The following DAAM1 variants were observed in gnomAD, a reference collection of about 807,000 sequenced individuals.
DAAM1 encodes disheveled-associated activator of morphogenesis 1.
Under a neutral mutation model 130.0 loss-of-function variants are expected in DAAM1, and 52 were observed. The ratio of observed to expected loss-of-function variants is 0.40; its 90% CI spans 0.32 to 0.50. The LOEUF is 0.50. DAAM1 is among the 20% of genes least tolerant of loss of function. The pLI is 0.61. For missense variants in DAAM1, 1,134 were observed against 1,303.8 expected (o/e 0.87, Z 2.01); for synonymous variants, 452 against 444.5 (o/e 1.02, Z -0.21).
At chr14:59,260,336 AAG>A (rs796477205) in intron 1 of DAAM1, among the ~76,000 whole-genome samples, 18 of 152,366 alleles carry the variant, frequency 1.2e-4, no homozygotes, top group African/African-American at 4.3e-4. Flanking sequence ...GGAAGTGCAG[AAG>A]AGTCTTTTTG....
chr14:59,360,878 T>C lies in DAAM1; in HGVS notation c.2694+16T>C. The stretch of plus-strand genomic sequence containing the variant: ...AGTAGAGACAGTGAGTATTTTTTTG[T>C]TGTTGTTCTAATTCCTGGTCTCTTC... On this transcript the variant is annotated intron_variant, in intron 22 of 24. Coordinates refer to ENST00000360909, the MANE Select transcript of DAAM1 (RefSeq NM_001270520.2). 1 of 1,603,770 alleles carries C rather than the reference T, an allele frequency of 6.2e-7. No homozygotes were observed. Among genetic ancestry groups the C allele is most frequent in the African/African-American group, 1.5e-5 (1 of 66,446 alleles).
chr14:59,348,978 T>A (rs1271399293), intron 17 of DAAM1, among the ~76,000 whole-genome samples: 1 of 152,236 alleles, frequency 6.6e-6, no homozygotes, highest in African/African-American at 2.4e-5. Flanking sequence ...TGTTCTCAAG[T>A]CTCTTGGGGT....
intron 1 of DAAM1, among the ~76,000 whole-genome samples, chr14:59,223,317 G>A (rs556989778): frequency 1.6e-4 from 24 of 152,296 alleles, no homozygotes; most frequent in South Asian, 8.3e-4. Flanking sequence ...ATTCATGATG[G>A]GCAGTTTGGG....
chr14:59,346,308 CA>C (rs1886079034), intron 16 of DAAM1, among the ~76,000 whole-genome samples: 1 of 152,164 alleles, frequency 6.6e-6, no homozygotes, highest in African/African-American at 2.4e-5. Context: ...GCCCCTACTT[CA>C]AAAGTTGCAT....
At chr14:59,274,790 C>G (rs1882885266) in intron 2 of DAAM1, among the ~76,000 whole-genome samples, 1 of 152,160 alleles carries the variant, frequency 6.6e-6, no homozygotes, top group South Asian at 2.1e-4. Context: ...CCCTATCCAC[C>G]TGCTGTCATC....
At chr14:59,307,223 C>G (rs1176517710) in intron 3 of DAAM1, among the ~76,000 whole-genome samples, 1 of 152,068 alleles carries the variant, frequency 6.6e-6, no homozygotes, top group Non-Finnish European at 1.5e-5. Flanking sequence ...TTTTAAAAAC[C>G]TGATAGCACT....
At chr14:59,302,384 T>G (rs1472571823) in intron 3 of DAAM1, among the ~76,000 whole-genome samples, 1 of 152,214 alleles carries the variant, frequency 6.6e-6, no homozygotes, top group Non-Finnish European at 1.5e-5. Context: ...ACCCAATTAA[T>G]GGGGAGTCAT....
At chr14:59,253,245 T>C (rs904636841) in intron 1 of DAAM1, among the ~76,000 whole-genome samples, 2 of 152,162 alleles carry the variant, frequency 1.3e-5, no homozygotes, top group Non-Finnish European at 2.9e-5. Context: ...AAGAAAGAAG[T>C]GGTGGAGCTG....
chr14:59,218,913 T>G (rs1490021572), intron 1 of DAAM1, among the ~76,000 whole-genome samples: 1 of 152,192 alleles, frequency 6.6e-6, no homozygotes, highest in African/African-American at 2.4e-5. Flanking sequence ...GCTATTAATG[T>G]TTTTATATGA....
Position 59,331,319 on chromosome 14 carries a change from A to G in DAAM1, c.1671A>G (p.Leu557=). The G allele has an allele frequency of 1.3e-6, 2 of 1,579,594 alleles. No individual in the cohort carries two copies. The highest frequency in any genetic ancestry group is 1.7e-6 in the Non-Finnish European group (2 of 1,165,344). Residue 557 remains leucine (L), a synonymous_variant, in exon 14 of 25, where the codon CTA becomes CTG. Transcript: ENST00000360909. The stretch of plus-strand genomic sequence containing the variant: ...TTCCTCCCCCACCACCCCCACCTCT[A>G]CCAGGTGGGATGCTTCCCCCTCCAC... ...SLLPPPPPPP[L]PGGMLPPPPP...
intron 2 of DAAM1, among the ~76,000 whole-genome samples, chr14:59,266,968 G>C (rs1183692820): frequency 1.3e-5 from 2 of 152,188 alleles, no homozygotes; most frequent in African/African-American, 4.8e-5. Context: ...TGGTGTAGAG[G>C]TGAAAGAAGA....
intron 1 of DAAM1, among the ~76,000 whole-genome samples, chr14:59,213,882 T>C (rs561951185): frequency 8.5e-5 from 13 of 152,202 alleles, no homozygotes; most frequent in Admixed American, 2.0e-4. Flanking sequence ...ATTTTAAGCA[T>C]TGGGCAAGCA....
At chr14:59,225,019 G>GTT (rs869233694) in intron 1 of DAAM1, among the ~76,000 whole-genome samples, 3,217 of 90,694 alleles carry the variant, frequency 0.035, 673 homozygotes, top group African/African-American at 0.12. Context: ...ATCTGTGTGG[G>GTT]TTTTTTTTTT....
chr14:59,214,008 C>T (rs1177819513), intron 1 of DAAM1, among the ~76,000 whole-genome samples: 4 of 152,246 alleles, frequency 2.6e-5, no homozygotes, highest in Admixed American at 2.6e-4. Flanking sequence ...AGATATCAGG[C>T]AGATATCACA....
chr14:59,358,720 G>C (rs1034760631), intron 20 of DAAM1, among the ~76,000 whole-genome samples: 1 of 151,940 alleles, frequency 6.6e-6, no homozygotes, highest in Admixed American at 6.6e-5. Flanking sequence ...GCTGGCGCCT[G>C]TAATCCCAGC....
At chr14:59,338,326 G>C (rs1885705309) in intron 15 of DAAM1, 2 of 1,573,656 alleles carry the variant, frequency 1.3e-6, no homozygotes, top group Admixed American at 1.7e-5. Flanking sequence ...ATTTGTTGCT[G>C]TGACTTCTGA....
intron 3 of DAAM1, among the ~76,000 whole-genome samples, chr14:59,310,738 A>G (rs566326098): frequency 2.6e-4 from 40 of 152,324 alleles, no homozygotes; most frequent in African/African-American, 8.4e-4. Flanking sequence ...AGTTTCAGCC[A>G]GTCTAGACAG....
intron 21 of DAAM1, 140 bp downstream of exon 21, chr14:59,359,644 C>T (rs1886627663): frequency 3.2e-6 from 2 of 621,666 alleles, no homozygotes; most frequent in Admixed American, 2.9e-5. Flanking sequence ...GAATCTCATC[C>T]AAGTCACTCA....
intron 1 of DAAM1, among the ~76,000 whole-genome samples, chr14:59,237,809 C>T (rs1028110155): frequency 1.3e-5 from 2 of 152,138 alleles, no homozygotes; most frequent in Non-Finnish European, 2.9e-5. Context: ...CTCACTTTTC[C>T]AGTGAGTCCC....
Sources: allele counts gnomAD v4.1 joint callset (sites outside exome capture counted in the v4.1 genomes callset), GRCh38; gene constraint gnomAD v4.1.1; transcripts MANE v1.5; gene names NCBI Gene and HGNC (gene_info 2026-07-23, HGNC 2026-07-21).